DNAH2: variants seen among roughly 807,000 people sequenced by gnomAD.
DNAH2 encodes the protein dynein axonemal heavy chain 2.
DNAH2 carries 323 observed loss-of-function variants against 523.5 expected under a neutral mutation model. The ratio of observed to expected loss-of-function variants is 0.62; its 90% CI spans 0.56 to 0.68. The LOEUF (loss-of-function observed/expected upper bound fraction) is 0.68, where lower values mean the gene tolerates loss of function less well. DNAH2 is among the 30% of genes least tolerant of loss of function. The pLI is 0.00. For synonymous variants in DNAH2, 2,093 were observed against 2,177.4 expected (o/e 0.96, Z 1.08); for missense variants, 4,907 against 5,701.5 (o/e 0.86, Z 4.49).
chr17:7,797,921 C>G, intron 53 of DNAH2, 92 bp downstream of exon 53: 4 of 1,500,682 alleles, frequency 2.7e-6, no homozygotes, highest in Non-Finnish European at 2.7e-6. Flanking sequence ...TCTCCCAAAT[C>G]AAGTTCCAGA....
intron 11 of DNAH2, among the ~76,000 whole-genome samples, chr17:7,741,256 TTCTTTCTTTCTTTC>T (rs1567624391): frequency 2.0e-4 from 8 of 39,552 alleles, no homozygotes; most frequent in Non-Finnish European, 3.5e-4. Context: ...CTTTCTTTCT[TTCTTTCTTTCTTTC>T]TTTCTTTCTT....
rs200512240 is a variant in DNAH2, at chr17:7,797,544, T to C, written c.8080+14T>C. ...CTCCTATCTTTGGTGAGCCAGGAGCTGTGATGACCTTGGGCTTGACACTCT... is the reference window on the plus strand; with the variant it reads ...CTCCTATCTTTGGTGAGCCAGGAGCCGTGATGACCTTGGGCTTGACACTCT... On this transcript the variant is annotated intron_variant, in intron 52 of 85. Coordinates refer to ENST00000572933, the MANE Select transcript of DNAH2 (RefSeq NM_020877.5). 10 of 1,614,040 alleles carry C rather than the reference T, an allele frequency of 6.2e-6. No individual in the cohort carries two copies. The highest frequency in any genetic ancestry group is 1.3e-5 in the African/African-American group (1 of 74,920).
At position 7,767,890 on chromosome 17, in the gene DNAH2, T is replaced by C. The variant is rs750085738; in HGVS notation, c.3676-10T>C. Reference sequence around the variant, plus strand: ...TGCCACTTCATGCAACGCGCCTTTCTGCCCTGTAGGAGCTCGATGCCCTCC... The same window carrying C: ...TGCCACTTCATGCAACGCGCCTTTCCGCCCTGTAGGAGCTCGATGCCCTCC... On this transcript the variant is annotated splice_polypyrimidine_tract_variant and intron_variant, in intron 22 of 85. Transcript: ENST00000572933. The C allele has an allele frequency of 2.5e-6, 4 of 1,614,062 alleles. No individual in the cohort carries two copies. Among genetic ancestry groups the C allele is most frequent in the Non-Finnish European group, 3.4e-6 (4 of 1,179,996 alleles).
chr17:7,739,631 C>G, intron 8 of DNAH2, 102 bp from the exon 9 acceptor site: 1 of 976,222 alleles, frequency 1.0e-6, no homozygotes, highest in East Asian at 2.5e-5. Flanking sequence ...CACTTGCCAT[C>G]ACTCACAGTG....
Position 7,786,313 on chromosome 17 carries a change from G to A in DNAH2, c.6319G>A (p.Ala2107Thr), listed in dbSNP as rs139080127. The A allele has an allele frequency of 3.9e-5, 63 of 1,613,164 alleles. No individual in the cohort carries two copies. The highest frequency in any genetic ancestry group is 1.6e-4 in the Middle Eastern group (1 of 6,084). Residue 2107 changes from alanine (A) to threonine (T), a missense_variant, in exon 40 of 86, where the codon GCC becomes ACC. Coordinates refer to ENST00000572933, the MANE Select transcript of DNAH2 (RefSeq NM_020877.5). The surrounding 1 kb of genome is among the most constrained non-coding windows in gnomAD (Gnocchi z 7.5). The stretch of plus-strand genomic sequence containing the variant: ...GGCCTCCCTGTCCTCTCTGTGCCGC[G>A]CCGGAGACCCTAACTTCAACATTGT... The part of the protein sequence containing the change: ...LQASLSSLCR[A>T]GDPNFNIVRE...
intron 28 of DNAH2, 97 bp from the exon 29 acceptor site, chr17:7,774,662 C>A: frequency 1.9e-6 from 2 of 1,074,210 alleles, no homozygotes; most frequent in Non-Finnish European, 2.7e-6. Context: ...CTGTGCCCCA[C>A]TGTTCAAGAG....
chr17:7,737,469 G>A (rs577090865), intron 8 of DNAH2, among the ~76,000 whole-genome samples: 2 of 152,346 alleles, frequency 1.3e-5, no homozygotes, highest in South Asian at 4.1e-4. Flanking sequence ...CTGTTTCTAG[G>A]TGGAGGTGGC....
chr17:7,777,030 C>CA (rs1204569821), intron 32 of DNAH2, 141 bp downstream of exon 32: 1 of 626,016 alleles, frequency 1.6e-6, no homozygotes, highest in Non-Finnish European at 2.7e-6. Flanking sequence ...CCAAAAAATA[C>CA]AAAAATTAGC....
At chr17:7,771,286 G>A (rs2076307059) in intron 27 of DNAH2, 44 bp from the exon 28 acceptor site, 4 of 1,612,636 alleles carry the variant, frequency 2.5e-6, no homozygotes, top group Admixed American at 1.7e-5. Flanking sequence ...AGGGTGGAGA[G>A]TGTGTAAGAA....
Position 7,737,273 on chromosome 17 carries a change from AG to A in DNAH2, c.1170+18del, listed in dbSNP as rs771171934. 86 of 1,609,542 alleles carry A rather than the reference AG, an allele frequency of 5.3e-5. No individual in the cohort carries two copies. The East Asian group carries it at 1.2e-3, about 22-fold the overall frequency. ...TCTTCCGAAAGGTGTGCATATGCTGAGGGTGGGATGGAGGGGTTTATGAGGG... is the reference window on the plus strand; with the variant it reads ...TCTTCCGAAAGGTGTGCATATGCTGAGGTGGGATGGAGGGGTTTATGAGGG... On this transcript the variant is annotated intron_variant, in intron 8 of 85. Transcript: ENST00000572933.
chr17:7,739,705 G>A (rs776484116), intron 8 of DNAH2, 28 bp from the exon 9 acceptor site: 1 of 1,601,040 alleles, frequency 6.2e-7, no homozygotes, highest in Non-Finnish European at 8.5e-7. Context: ...AAGGAAAGCA[G>A]GAACCCTCAT....
At chr17:7,770,962 G>C in intron 27 of DNAH2, 29 bp downstream of exon 27, 1 of 1,607,534 alleles carries the variant, frequency 6.2e-7, no homozygotes, top group Non-Finnish European at 8.5e-7. Context: ...AGCTCTTCCT[G>C]CTTCCTGCTC....
chr17:7,824,302 A>G lies in DNAH2; in HGVS notation c.11660A>G (p.Gln3887Arg), dbSNP rs1164032703. The G allele has an allele frequency of 6.6e-7, 1 of 1,516,654 alleles. No homozygotes were observed. The highest frequency in any genetic ancestry group is 2.3e-5 in the East Asian group (1 of 43,494). The allele number at this position is 1,516,654 out of a possible 1,614,324, so 93.9% of individuals were successfully genotyped here. A position where few individuals can be genotyped will look rare whatever the true frequency, so the allele number is the denominator to read the frequency against. Residue 3887 changes from glutamine (Q) to arginine (R), a missense_variant and splice_region_variant, in exon 76 of 86, where the codon CAG becomes CGG. Around this residue, in one of 3 missense-constraint regions of DNAH2, gnomAD observed 1,851 missense variants for 2,139.4 expected, o/e 0.87. Transcript: ENST00000572933. ...AARLLREGVT[Q>R]GHWVFLANCH... Reference sequence around the variant, plus strand: ...CGGCTCCTCCGAGAGGGTGTGACTCAGGGTTGGTGTCCATCCTTTCTTCCA... The same window carrying G: ...CGGCTCCTCCGAGAGGGTGTGACTCGGGGTTGGTGTCCATCCTTTCTTCCA...
chr17:7,738,616 A>G (rs1567618625), intron 8 of DNAH2, among the ~76,000 whole-genome samples: 1 of 152,190 alleles, frequency 6.6e-6, no homozygotes. Context: ...GGCGTGAGCC[A>G]CCACGCCCTG....
chr17:7,816,485 C>A, intron 63 of DNAH2, 86 bp from the exon 64 acceptor site: 1 of 1,493,226 alleles, frequency 6.7e-7, no homozygotes, highest in Non-Finnish European at 9.1e-7. Context: ...AAAATGGCAG[C>A]TACAAAATGG....
intron 63 of DNAH2, among the ~76,000 whole-genome samples, chr17:7,810,902 T>C (rs1597734951): frequency 1.3e-5 from 2 of 152,190 alleles, no homozygotes; most frequent in South Asian, 4.1e-4. Context: ...TCAGAACAAA[T>C]TTTGAGTAAA....
At chr17:7,762,004 G>A (rs1383884928) in intron 18 of DNAH2, among the ~76,000 whole-genome samples, 9 of 152,286 alleles carry the variant, frequency 5.9e-5, no homozygotes, top group African/African-American at 2.2e-4. Context: ...TGGCCGTGGT[G>A]TCACGAGAAG....
At chr17:7,763,313 C>T (rs554563074) in intron 18 of DNAH2, among the ~76,000 whole-genome samples, 159 of 152,314 alleles carry the variant, frequency 1.0e-3, no homozygotes, top group African/African-American at 3.0e-3. Flanking sequence ...CGCCTGCCAC[C>T]GCACTTGGCT....
chr17:7,832,182 A>T lies in DNAH2; in HGVS notation c.12727-397A>T, dbSNP rs2078195142. Among the ~76,000 whole-genome samples the T allele has an allele frequency of 6.6e-6, 1 of 152,116 alleles. No individual in the cohort carries two copies. The highest frequency in any genetic ancestry group is 6.5e-5 in the Admixed American group (1 of 15,268). On this transcript the variant is annotated intron_variant, in intron 82 of 85. Coordinates refer to ENST00000572933, the MANE Select transcript of DNAH2 (RefSeq NM_020877.5). The surrounding 1 kb of genome is among the most constrained non-coding windows in gnomAD (Gnocchi z 4.3). ...GTTGGGGAACAGGGGCTGCCACCAC[A>T]TAGTCTTCTCATATCTGCTTCAGGT...
Sources: gnomAD v4.1 joint callset for allele counts (sites outside exome capture counted in the v4.1 genomes callset) on GRCh38, gnomAD v4.1.1 for gene constraint, gnomAD v4.1.1 regional missense constraint, Gnocchi (gnomAD v3.1) non-coding constraint, MANE v1.5 for transcripts, NCBI Gene and HGNC (gene_info 2026-07-23, HGNC 2026-07-21) for gene names.